SYCE1: variants seen among roughly 807,000 people sequenced by gnomAD.
SYCE1 encodes the protein synaptonemal complex central element protein 1.
SYCE1 carries 37 observed loss-of-function variants against 55.1 expected under a neutral mutation model. That is an observed-to-expected ratio of 0.67 (90% confidence interval 0.52 to 0.88). The LOEUF (loss-of-function observed/expected upper bound fraction) is 0.88, where lower values mean the gene tolerates loss of function less well. SYCE1 is among the 40% of genes least tolerant of loss of function. The probability of loss-of-function intolerance (pLI) is 0.00; values close to 1 mark genes in which losing one functional copy is unlikely to be tolerated. For synonymous variants in SYCE1, 163 were observed against 159.4 expected (o/e 1.02, Z -0.17); for missense variants, 399 against 416.4 (o/e 0.96, Z 0.36).
At chr10:133,558,398 C>T (rs1181325670) in intron 4 of SYCE1, 184 bp from the exon 5 acceptor site, 2 of 659,162 alleles carry the variant, frequency 3.0e-6, no homozygotes, top group African/African-American at 1.8e-5. Context: ...AGGGCCTTCA[C>T]ATTTACAGAG....
rs201035428 is a variant in SYCE1 at position 133,555,684 on chromosome 10, C to T, written c.743G>A (p.Arg248Lys). 1 of 1,605,052 alleles carries T rather than the reference C, an allele frequency of 6.2e-7. No homozygotes were observed. The highest frequency in any genetic ancestry group is 1.1e-5 in the South Asian group (1 of 91,078). ...ATVQLFQEEH[R>K]KAEELLAAAA... Reference sequence around the variant, plus strand: ...AGCTGCTAGGAGCTCCTCAGCCTTCCTGTGCTCTTCCTGAAACAGCTGCCT... The same window carrying T: ...AGCTGCTAGGAGCTCCTCAGCCTTCTTGTGCTCTTCCTGAAACAGCTGCCT... Residue 248 changes from arginine (R) to lysine (K), a missense_variant, in exon 11 of 13, where the codon AGG becomes AAG. Transcript: ENST00000343131.
At chr10:133,566,287 A>G (rs1484087956), upstream of SYCE1, among the ~76,000 whole-genome samples, 1 of 152,240 alleles carries the variant, frequency 6.6e-6, no homozygotes, top group Non-Finnish European at 1.5e-5. Flanking sequence ...AGCCAGGGGA[A>G]GAACTTTACC....
At chr10:133,558,802 T>G in intron 4 of SYCE1, 75 bp downstream of exon 4, 1 of 1,471,998 alleles carries the variant, frequency 6.8e-7, no homozygotes, top group South Asian at 1.2e-5. Context: ...GCAAGGATGC[T>G]GATTATCTGG....
At chr10:133,567,151 G>C (rs1157907076), upstream of SYCE1, among the ~76,000 whole-genome samples, 1 of 151,544 alleles carries the variant, frequency 6.6e-6, no homozygotes, top group Admixed American at 6.6e-5. Flanking sequence ...TTAGGGGTCA[G>C]GGGTCCGGTC....
chr10:133,568,105 C>T, upstream of SYCE1: 1 of 726,288 alleles, frequency 1.4e-6, no homozygotes, highest in Non-Finnish European at 2.4e-6. Context: ...AGGGCCGCAG[C>T]AGCCCCAGGG....
chr10:133,554,044 A>C, downstream of SYCE1: 1 of 373,814 alleles, frequency 2.7e-6, no homozygotes, highest in East Asian at 4.0e-5. Context: ...AGTTCCTTCT[A>C]ATTGTGGGCT....
rs561564336 is a variant in SYCE1, at chr10:133,565,021, C to T, written c.73+436G>A. ...GGCCTCCCCCGGCTCCCCGGGGCGTCGGGATGCTGGGTGGGGGGCCCCACT... is the reference window on the plus strand; with the variant it reads ...GGCCTCCCCCGGCTCCCCGGGGCGTTGGGATGCTGGGTGGGGGGCCCCACT... On this transcript the variant is annotated intron_variant, in intron 1 of 12. Coordinates refer to ENST00000343131, the MANE Select transcript of SYCE1 (RefSeq NM_001143764.3). 5.9e-5 allele frequency among the ~76,000 whole-genome samples: 9 copies of T among 152,146 alleles called. No individual in the cohort carries two copies. The East Asian group carries it at 1.7e-3, about 29-fold the overall frequency.
chr10:133,554,433 G>C, downstream of SYCE1: 1 of 1,036,888 alleles, frequency 9.6e-7, no homozygotes, highest in East Asian at 2.4e-5. Flanking sequence ...ACGCATTTCA[G>C]TGAATTTGAA....
intron 1 of SYCE1, among the ~76,000 whole-genome samples, chr10:133,564,668 C>T (rs1372364668): frequency 2.6e-5 from 4 of 152,272 alleles, no homozygotes; most frequent in South Asian, 2.1e-4. Context: ...AGGCAGCCAC[C>T]GACGTTTGTT....
upstream of SYCE1, chr10:133,568,231 C>G (rs1287772130): frequency 2.9e-6 from 4 of 1,359,750 alleles, no homozygotes; most frequent in South Asian, 4.9e-5. Context: ...TCCGGGAACC[C>G]AGTCCTCCTC....
chr10:133,561,949 G>A (rs543562822), intron 1 of SYCE1, among the ~76,000 whole-genome samples: 1 of 152,000 alleles, frequency 6.6e-6, no homozygotes, highest in African/African-American at 2.4e-5. Context: ...AGGAAAAAAG[G>A]GGGGGAAGAT....
Position 133,555,824 on chromosome 10 carries a change from AAGGGTGG to A in SYCE1, c.668_674del (p.Ser223LeufsTer30). On this transcript the variant is annotated frameshift_variant, in exon 10 of 13. Coordinates refer to ENST00000343131, the MANE Select transcript of SYCE1 (RefSeq NM_001143764.3). LOFTEE classifies it high-confidence loss of function. ...GGCTGCGGAGAAAGAGTCCCTCATC[AAGGGTGG>A]AGGGGCCCTCAGCCCCACACAGGGA... The A allele has an allele frequency of 6.2e-7, 1 of 1,613,802 alleles. No homozygotes were observed. The highest frequency in any genetic ancestry group is 1.3e-5 in the African/African-American group (1 of 75,030).
chr10:133,561,954 G>T (rs1427452074), intron 1 of SYCE1, among the ~76,000 whole-genome samples: 1 of 152,046 alleles, frequency 6.6e-6, no homozygotes, highest in Admixed American at 6.6e-5. Flanking sequence ...AAAAGGGGGG[G>T]AAGATTTTTG....
chr10:133,565,484 C>G lies in SYCE1; in HGVS notation c.46G>C (p.Ala16Pro), dbSNP rs1023035790. 1.2e-5 allele frequency: 19 copies of G among 1,550,216 alleles called. No individual in the cohort carries two copies. In the African/African-American group the frequency reaches 2.5e-4, roughly 20 times the overall value. Residue 16 changes from alanine (A) to proline (P), a missense_variant, in exon 1 of 13, where the codon GCC (alanine) becomes CCC (proline). Transcript: ENST00000343131. ...CCGGCCTTCTCAGCCCTGTCCACGG[C>G]TCCTGCGGTGGGCTCGGCCTTCGAT... is the stretch of plus-strand genomic sequence containing the variant. ...LTSKAEPTAG[A>P]VDRAEKAGGQ...
At chr10:133,560,275 G>A in intron 1 of SYCE1, 122 bp from the exon 2 acceptor site, 1 of 747,954 alleles carries the variant, frequency 1.3e-6, no homozygotes, top group Non-Finnish European at 2.3e-6. Context: ...CTTGTCCTGA[G>A]GTGGACAGTA....
upstream of SYCE1, among the ~76,000 whole-genome samples, chr10:133,567,399 TAGGGTTA>T (rs1851971077): frequency 6.6e-6 from 1 of 151,304 alleles, no homozygotes; most frequent in South Asian, 2.1e-4. Context: ...CGTTAGTGGT[TAGGGTTA>T]AGGGTTATGG....
upstream of SYCE1, among the ~76,000 whole-genome samples, chr10:133,566,734 TGTTGGG>T (rs1851947312): frequency 6.7e-6 from 1 of 148,478 alleles, no homozygotes; most frequent in African/African-American, 2.5e-5. Flanking sequence ...TAGGGTTACG[TGTTGGG>T]GTTGGGATTA....
upstream of SYCE1, among the ~76,000 whole-genome samples, chr10:133,565,815 G>T (rs372475464): frequency 6.6e-6 from 1 of 152,216 alleles, no homozygotes; most frequent in Non-Finnish European, 1.5e-5. Context: ...GCTGGCTTCC[G>T]AGGGGACCGG....
chr10:133,556,715 T>A, intron 8 of SYCE1, 44 bp downstream of exon 8: 1 of 1,546,294 alleles, frequency 6.5e-7, no homozygotes, highest in Non-Finnish European at 8.8e-7. Context: ...CTGGTGCTGC[T>A]AGGGAAGATG....
Sources: allele counts gnomAD v4.1 joint callset (sites outside exome capture counted in the v4.1 genomes callset), GRCh38; gene constraint gnomAD v4.1.1; transcripts MANE v1.5; gene names NCBI Gene and HGNC (gene_info 2026-07-23, HGNC 2026-07-21).